TTC27: variants seen among roughly 807,000 people sequenced by gnomAD.
The protein encoded by TTC27 is tetratricopeptide repeat protein 27.
Under a neutral mutation model 115.9 loss-of-function variants are expected in TTC27, and 79 were observed. That is an observed-to-expected ratio of 0.68 (90% CI 0.57 to 0.82). The LOEUF (loss-of-function observed/expected upper bound fraction) is 0.82, where lower values mean the gene tolerates loss of function less well. Among genes scored for constraint, TTC27 ranks in the 40% least tolerant of loss-of-function variants. TTC27 has a pLI of 0.00. For missense variants in TTC27, 1,054 were observed against 993.1 expected, an observed-to-expected ratio of 1.06 and a Z score of -0.82; for synonymous variants, 401 against 356.0, an observed-to-expected ratio of 1.13 and a Z score of -1.42.
chr2:32,664,747 GGATGGGCCCATAGGGGTGTTTC>G (rs1437628402), intron 6 of TTC27, among the ~76,000 whole-genome samples: 2 of 152,050 alleles, frequency 1.3e-5, no homozygotes, highest in African/African-American at 4.8e-5. Flanking sequence ...AGCCTTTGGG[GGATGGGCCCATAGGGGTGTTTC>G]CTGACCAAGT....
At chr2:32,646,857 C>T (rs1404094332) in intron 4 of TTC27, among the ~76,000 whole-genome samples, 1 of 151,922 alleles carries the variant, frequency 6.6e-6, no homozygotes, top group African/African-American at 2.4e-5. Flanking sequence ...GCCACCGCGC[C>T]CGGCCTCTAT....
At chr2:32,669,076 C>T (rs964624099) in intron 7 of TTC27, among the ~76,000 whole-genome samples, 5 of 150,950 alleles carry the variant, frequency 3.3e-5, no homozygotes. Context: ...GAGACTCCAT[C>T]TCAAAAAAAA....
At chr2:32,729,583 A>T (rs1668222543) in intron 10 of TTC27, among the ~76,000 whole-genome samples, 1 of 152,194 alleles carries the variant, frequency 6.6e-6, no homozygotes, top group Non-Finnish European at 1.5e-5. Context: ...AGTAAATGGC[A>T]TTAAAAGGGA....
At chr2:32,785,271 T>C (rs1482997636) in intron 15 of TTC27, among the ~76,000 whole-genome samples, 1 of 152,230 alleles carries the variant, frequency 6.6e-6, no homozygotes, top group Non-Finnish European at 1.5e-5. Context: ...TAGATGTTCA[T>C]TTATCTTTAC....
At chr2:32,697,947 T>C (rs913267969) in intron 9 of TTC27, among the ~76,000 whole-genome samples, 2 of 152,068 alleles carry the variant, frequency 1.3e-5, no homozygotes, top group African/African-American at 4.8e-5. Flanking sequence ...GAGATGGGGT[T>C]TCACTGTGTT....
intron 12 of TTC27, among the ~76,000 whole-genome samples, chr2:32,757,180 A>G: frequency 6.7e-6 from 1 of 150,054 alleles, no homozygotes. Flanking sequence ...ATTGCTAAAA[A>G]CCCCTCCTTT....
chr2:32,635,244 T>G (rs932593844), intron 3 of TTC27: 1 of 153,094 alleles, frequency 6.5e-6, no homozygotes, highest in South Asian at 2.1e-4. Flanking sequence ...CTTTGATTTA[T>G]CCAGCCACTT....
At chr2:32,691,632 T>A (rs1666815115) in intron 9 of TTC27, among the ~76,000 whole-genome samples, 1 of 152,130 alleles carries the variant, frequency 6.6e-6, no homozygotes, top group African/African-American at 2.4e-5. Context: ...TACTTCTCTT[T>A]TGTTCTCAAA....
At chr2:32,700,537 G>GA (rs201415057) in intron 9 of TTC27, among the ~76,000 whole-genome samples, 9 of 151,490 alleles carry the variant, frequency 5.9e-5, no homozygotes, top group Non-Finnish European at 8.8e-5. Flanking sequence ...CTTTTCCTTT[G>GA]AAAAAAAAAT....
chr2:32,700,431 TA>T (rs1667144511), intron 9 of TTC27, among the ~76,000 whole-genome samples: 1 of 152,162 alleles, frequency 6.6e-6, no homozygotes, highest in Non-Finnish European at 1.5e-5. Flanking sequence ...TTATAGATGA[TA>T]ATCCCTTTAA....
intron 4 of TTC27, among the ~76,000 whole-genome samples, chr2:32,647,479 A>T (rs951613973): frequency 1.3e-5 from 2 of 152,182 alleles, no homozygotes; most frequent in African/African-American, 4.8e-5. Context: ...TTGCTATTAG[A>T]TAATTTTATA....
intron 1 of TTC27, among the ~76,000 whole-genome samples, chr2:32,628,634 C>T (rs375285793): frequency 6.6e-6 from 1 of 152,154 alleles, no homozygotes; most frequent in African/African-American, 2.4e-5. Context: ...AACATGTACT[C>T]AGTCATTTAA....
At chr2:32,687,963 TTA>T (rs1329795584) in intron 9 of TTC27, among the ~76,000 whole-genome samples, 1 of 152,168 alleles carries the variant, frequency 6.6e-6, no homozygotes, top group Non-Finnish European at 1.5e-5. Flanking sequence ...GAATTGATGT[TTA>T]TGGAATACAC....
intron 12 of TTC27, among the ~76,000 whole-genome samples, chr2:32,747,680 TC>T (rs1465493640): frequency 6.6e-6 from 1 of 152,186 alleles, no homozygotes; most frequent in Non-Finnish European, 1.5e-5. Flanking sequence ...TGGTAAATCA[TC>T]ACAATCTATA....
At chr2:32,629,954 T>C (rs1201233207) in intron 1 of TTC27, among the ~76,000 whole-genome samples, 1 of 152,184 alleles carries the variant, frequency 6.6e-6, no homozygotes, top group Non-Finnish European at 1.5e-5. Context: ...AAGTTTGAAC[T>C]TTGGTGGCCT....
intron 5 of TTC27, among the ~76,000 whole-genome samples, chr2:32,653,665 A>T (rs1014066970): frequency 6.6e-6 from 1 of 151,932 alleles, no homozygotes; most frequent in African/African-American, 2.4e-5. Context: ...ATTTCTTTTC[A>T]TAAATTTGAT....
At chr2:32,774,574 A>G (rs1355310777) in intron 13 of TTC27, among the ~76,000 whole-genome samples, 1 of 152,126 alleles carries the variant, frequency 6.6e-6, no homozygotes, top group Non-Finnish European at 1.5e-5. Context: ...AACATATACA[A>G]CTATGTTCTG....
At chr2:32,711,153 AAG>A (rs1252672370) in intron 10 of TTC27, among the ~76,000 whole-genome samples, 1 of 151,156 alleles carries the variant, frequency 6.6e-6, no homozygotes, top group Non-Finnish European at 1.5e-5. Flanking sequence ...GAAGAAGAAG[AAG>A]AGAAGAGCCA....
chr2:32,662,425 A>G (rs188686383), intron 5 of TTC27, among the ~76,000 whole-genome samples: 91 of 152,214 alleles, frequency 6.0e-4, no homozygotes, highest in Non-Finnish European at 1.1e-3. Flanking sequence ...GTAGGCTATA[A>G]ATTACTGCCT....
Sources: allele counts gnomAD v4.1 joint callset (sites outside exome capture counted in the v4.1 genomes callset), GRCh38; gene constraint gnomAD v4.1.1; transcripts MANE v1.5; gene names NCBI Gene and HGNC (gene_info 2026-07-23, HGNC 2026-07-21).